URGCP: variants seen among roughly 807,000 people sequenced by gnomAD.
URGCP encodes up-regulator of cell proliferation.
A neutral mutation model predicts 24.6 loss-of-function variants in URGCP; 13 were observed. The observed-to-expected ratio is 0.53, with a 90% CI of 0.34 to 0.84. The LOEUF is 0.84. URGCP is among the 40% of genes least tolerant of loss of function. The pLI is 0.01. For synonymous variants in URGCP, 444 were observed against 487.2 expected (o/e 0.91, Z 1.17); for missense variants, 899 against 1,194.3 (o/e 0.75, Z 3.64).
At chr7:43,880,405 C>T (rs112807461) in intron 5 of URGCP, among the ~76,000 whole-genome samples, 6 of 152,242 alleles carry the variant, frequency 3.9e-5, no homozygotes, top group African/African-American at 1.4e-4. Flanking sequence ...TGGCCCAGCA[C>T]CTTACTAATG....
intron 1 of URGCP, among the ~76,000 whole-genome samples, chr7:43,924,002 TG>T (rs937083867): frequency 7.2e-5 from 11 of 152,236 alleles, no homozygotes; most frequent in African/African-American, 2.6e-4. Context: ...CCCAAGTAGC[TG>T]GGACTACAGG....
intron 1 of URGCP, among the ~76,000 whole-genome samples, chr7:43,903,135 A>AG (rs1282336631): frequency 5.4e-4 from 82 of 150,786 alleles, no homozygotes; most frequent in Middle Eastern, 6.8e-3. Context: ...AAAAAAAAAA[A>AG]AGAGAGAGAG....
chr7:43,885,496 A>T (rs1294856331), intron 3 of URGCP, among the ~76,000 whole-genome samples: 2 of 143,242 alleles, frequency 1.4e-5, no homozygotes, highest in Admixed American at 7.1e-5. Context: ...AGAGGAACTC[A>T]CATAACTCAT....
In URGCP at chr7:43,922,880, AT is replaced by A. The variant is rs915406600; in HGVS notation, c.-116+3251del. 2.6e-3 allele frequency among the ~76,000 whole-genome samples: 399 copies of A among 150,582 alleles called. 2 individuals are homozygous for A. The highest frequency in any genetic ancestry group is 8.9e-3 in the African/African-American group (367 of 41,018). ...ATAGATGTAAGCCACCACACCAGGC[AT>A]TTTTTTTTCTTTCTCTTTCTTTCTT... is the stretch of plus-strand genomic sequence containing the variant. On this transcript the variant is annotated intron_variant, in intron 1 of 5. Coordinates refer to the URGCP transcript ENST00000426198.
intron 1 of URGCP, among the ~76,000 whole-genome samples, chr7:43,915,443 T>A (rs577692438): frequency 3.9e-5 from 6 of 152,352 alleles, no homozygotes; most frequent in African/African-American, 1.2e-4. Context: ...CAGCCTTTTC[T>A]ATGGCATTTT....
At chr7:43,910,102 T>C (rs1356094210), upstream of URGCP, among the ~76,000 whole-genome samples, 2 of 146,956 alleles carry the variant, frequency 1.4e-5, no homozygotes, top group Non-Finnish European at 3.0e-5. Context: ...AGGCTGGGCA[T>C]TGTGGCTCAC....
intron 1 of URGCP, among the ~76,000 whole-genome samples, chr7:43,911,668 T>A (rs1268031367): frequency 6.6e-6 from 1 of 152,048 alleles, no homozygotes; most frequent in Non-Finnish European, 1.5e-5. Flanking sequence ...TTGCACTCCA[T>A]CCTGGGCAAC....
At chr7:43,910,088 T>C (rs1475321528), upstream of URGCP, among the ~76,000 whole-genome samples, 2 of 149,194 alleles carry the variant, frequency 1.3e-5, no homozygotes, top group South Asian at 2.1e-4. Flanking sequence ...TATAAGAAAA[T>C]TGTAGGCTGG....
At chr7:43,906,446 C>T (rs2095903129) in intron 1 of URGCP, 116 bp downstream of exon 1, 3 of 1,040,788 alleles carry the variant, frequency 2.9e-6, no homozygotes, top group Non-Finnish European at 1.2e-6. Context: ...GGGGGCGCCC[C>T]TGGCCGGGTC....
At chr7:43,888,742 G>A (rs987274772) in intron 1 of URGCP, 1 of 152,172 alleles carries the variant, frequency 6.6e-6, no homozygotes, top group African/African-American at 2.4e-5. Flanking sequence ...GTAGATGTAG[G>A]TGTGCACACA....
At chr7:43,915,296 A>G (rs1320734486) in intron 1 of URGCP, among the ~76,000 whole-genome samples, 1 of 152,048 alleles carries the variant, frequency 6.6e-6, no homozygotes, top group African/African-American at 2.4e-5. Flanking sequence ...AGGGATGAGT[A>G]AAATGCACAC....
At chr7:43,887,682 G>C in intron 2 of URGCP, 108 bp downstream of exon 2, 1 of 1,505,568 alleles carries the variant, frequency 6.6e-7, no homozygotes, top group Non-Finnish European at 8.9e-7. Flanking sequence ...CAATGATTCT[G>C]ATATGCACCC....
At position 43,876,754 on chromosome 7, in the gene URGCP, C is replaced by T; in HGVS notation, c.2709G>A (p.Lys903=). The T allele has an allele frequency of 6.2e-7, 1 of 1,614,252 alleles. No individual in the cohort carries two copies. The change falls in exon 6 of 6, where the codon AAG becomes AAA. Residue 903 remains lysine (K), a synonymous_variant. Coordinates refer to ENST00000453200, the MANE Select transcript of URGCP (RefSeq NM_001077663.3). The part of the protein sequence containing the change: ...LAYSEAIFEL[K]RCLLENIRNG... The stretch of plus-strand genomic sequence containing the variant: ...TCCTGATGTTTTCGAGTAGGCATCT[C>T]TTCAATTCAAATATGGCTTCACTGT...
chr7:43,919,824 C>T (rs2095920086), intron 1 of URGCP: 3 of 1,262,386 alleles, frequency 2.4e-6, no homozygotes, highest in East Asian at 2.3e-5. Context: ...GGTCAGTGGG[C>T]GCATGATGGC....
chr7:43,918,600 A>C (rs2095918357), intron 1 of URGCP: 3 of 484,734 alleles, frequency 6.2e-6, no homozygotes, highest in East Asian at 3.9e-5. Flanking sequence ...GGATTTTCTT[A>C]AAGAGCGCTC....
At chr7:43,918,444 C>A (rs2095917845) in intron 1 of URGCP, among the ~76,000 whole-genome samples, 1 of 151,708 alleles carries the variant, frequency 6.6e-6, no homozygotes, top group Admixed American at 6.6e-5. Context: ...TGATTTCCAG[C>A]TAATTTTTGT....
At chr7:43,909,540 A>C (rs940267795), upstream of URGCP, among the ~76,000 whole-genome samples, 3 of 151,832 alleles carry the variant, frequency 2.0e-5, no homozygotes, top group African/African-American at 7.3e-5. Context: ...AGCCTGGCCA[A>C]CATGGTGAAA....
At chr7:43,902,159 AT>A (rs1258500737) in intron 1 of URGCP, among the ~76,000 whole-genome samples, 1 of 126,908 alleles carries the variant, frequency 7.9e-6, no homozygotes, top group African/African-American at 3.0e-5. Flanking sequence ...GGAGGAGAAG[AT>A]GGTGGAGAGG....
chr7:43,919,861 T>A, intron 1 of URGCP: 2 of 1,295,042 alleles, frequency 1.5e-6, no homozygotes, highest in Non-Finnish European at 2.2e-6. Flanking sequence ...TCCTCACTCT[T>A]CTAGAGAACC....
Sources: allele counts gnomAD v4.1 joint callset (sites outside exome capture counted in the v4.1 genomes callset), GRCh38; gene constraint gnomAD v4.1.1; transcripts MANE v1.5; gene names NCBI Gene and HGNC (gene_info 2026-07-23, HGNC 2026-07-21).